The following ADGRB3 variants were observed in gnomAD, a reference collection of about 807,000 sequenced individuals.
ADGRB3 encodes the protein brain-specific angiogenesis inhibitor 3.
ADGRB3 carries 37 observed loss-of-function variants against 193.4 expected under a neutral mutation model. The ratio of observed to expected loss-of-function variants is 0.19; its 90% confidence interval spans 0.15 to 0.25. The LOEUF (loss-of-function observed/expected upper bound fraction) is 0.25. ADGRB3 is among the 10% of genes least tolerant of loss of function. The pLI, the probability that ADGRB3 is intolerant of heterozygous loss-of-function variation, is 1.00. For missense variants in ADGRB3, 1,637 were observed against 1,852.9 expected, an observed-to-expected ratio of 0.88 and a Z score of 2.14; for synonymous variants, 690 against 644.2, an observed-to-expected ratio of 1.07 and a Z score of -1.08.
intron 3 of ADGRB3, among the ~76,000 whole-genome samples, chr6:68,642,818 C>T (rs1407935804): frequency 2.7e-5 from 4 of 146,088 alleles, no homozygotes; most frequent in Admixed American, 1.4e-4. Context: ...AAAAAAAAAA[C>T]TCAAATAACA....
chr6:69,149,373 A>T (rs533077189), intron 17 of ADGRB3, among the ~76,000 whole-genome samples: 30 of 151,874 alleles, frequency 2.0e-4, no homozygotes, highest in African/African-American at 7.0e-4. Flanking sequence ...TCAGCTCGGA[A>T]TTTCTGCTTG....
intron 3 of ADGRB3, among the ~76,000 whole-genome samples, chr6:68,908,798 C>T (rs1582305367): frequency 6.6e-6 from 1 of 152,100 alleles, no homozygotes; most frequent in Non-Finnish European, 1.5e-5. Flanking sequence ...CTTCCCTGAG[C>T]TTCAGAAACT....
intron 3 of ADGRB3, among the ~76,000 whole-genome samples, chr6:68,801,743 T>C (rs192900391): frequency 1.4e-4 from 22 of 152,210 alleles, no homozygotes; most frequent in Non-Finnish European, 2.8e-4. Context: ...TATATCCAGA[T>C]ACCAAGAGCT....
At chr6:69,091,494 A>T (rs192608878) in intron 17 of ADGRB3, among the ~76,000 whole-genome samples, 3 of 152,208 alleles carry the variant, frequency 2.0e-5, no homozygotes, top group Non-Finnish European at 4.4e-5. Context: ...TTGCAGGGAC[A>T]TGGATGGAGC....
chr6:69,266,963 T>A (rs1379916049), intron 20 of ADGRB3, among the ~76,000 whole-genome samples: 4 of 152,092 alleles, frequency 2.6e-5, no homozygotes, highest in Non-Finnish European at 5.9e-5. Flanking sequence ...CGCAGTGTCC[T>A]TGCAGAAGTA....
intron 24 of ADGRB3, 126 bp from the exon 25 acceptor site, chr6:69,338,790 C>T (rs1768907578): frequency 2.6e-6 from 2 of 762,644 alleles, no homozygotes; most frequent in South Asian, 1.7e-5. Flanking sequence ...CAACCTAGAG[C>T]ATACATTTTT....
chr6:68,988,232 A>G (rs1769134849), intron 10 of ADGRB3, among the ~76,000 whole-genome samples: 1 of 152,186 alleles, frequency 6.6e-6, no homozygotes, highest in African/African-American at 2.4e-5. Flanking sequence ...CACAAACACT[A>G]TAGTAATATA....
At chr6:68,694,618 G>T (rs112684956) in intron 3 of ADGRB3, among the ~76,000 whole-genome samples, 6 of 152,076 alleles carry the variant, frequency 3.9e-5, no homozygotes, top group Non-Finnish European at 7.4e-5. Context: ...TCAGAGGCAT[G>T]CTGTGTTCCT....
chr6:69,004,520 A>G (rs1187345762), intron 11 of ADGRB3, among the ~76,000 whole-genome samples: 2 of 150,410 alleles, frequency 1.3e-5, no homozygotes, highest in Non-Finnish European at 3.0e-5. Flanking sequence ...CCCATTAACT[A>G]GTCATTTACA....
At chr6:68,765,735 T>G (rs1582182607) in intron 3 of ADGRB3, among the ~76,000 whole-genome samples, 1 of 152,202 alleles carries the variant, frequency 6.6e-6, no homozygotes, top group African/African-American at 2.4e-5. Context: ...AAGATCAAAG[T>G]TATACTAATA....
At position 68,912,637 on chromosome 6, in the gene ADGRB3, C is replaced by T. The variant is rs543121865; in HGVS notation, c.758-17922C>T. On this transcript the variant is annotated intron_variant, in intron 3 of 31. Transcript: ENST00000370598. ...TGTGGTGTTTGGTGTTTTGTCCTTG[C>T]GATAGTTTACTGAGAATGATGATTT... Among the ~76,000 whole-genome samples, 188 of 152,098 alleles carry T rather than the reference C, an allele frequency of 1.2e-3. 7 individuals are homozygous for T. The South Asian group carries it at 0.033, about 27-fold the overall frequency.
intron 3 of ADGRB3, among the ~76,000 whole-genome samples, chr6:68,688,873 C>A (rs1352078276): frequency 6.6e-6 from 1 of 152,166 alleles, no homozygotes; most frequent in African/African-American, 2.4e-5. Flanking sequence ...CTAACATTTT[C>A]TCTGGCATTA....
In ADGRB3 at chr6:68,784,906, G is replaced by T. The variant is rs570481226; in HGVS notation, c.757+145474G>T. Among the ~76,000 whole-genome samples, 4 of 152,120 alleles carry T rather than the reference G, an allele frequency of 2.6e-5. No individual in the cohort carries two copies. The South Asian group carries it at 8.3e-4, about 32-fold the overall frequency. ...TTCTTTTCCTTCATAGAGTTTAGTAGTGTTCATTTTATTTATTTGAATGTC... is the reference window on the plus strand; with the variant it reads ...TTCTTTTCCTTCATAGAGTTTAGTATTGTTCATTTTATTTATTTGAATGTC... On this transcript the variant is annotated intron_variant, in intron 3 of 31. Coordinates refer to ENST00000370598, the MANE Select transcript of ADGRB3 (RefSeq NM_001704.3).
chr6:69,034,323 A>G (rs1041473535), intron 13 of ADGRB3, among the ~76,000 whole-genome samples: 4 of 151,808 alleles, frequency 2.6e-5, no homozygotes, highest in African/African-American at 9.7e-5. Context: ...CCCCCAAATA[A>G]CATCTATAGT....
chr6:68,908,105 C>G (rs1766598533), intron 3 of ADGRB3, among the ~76,000 whole-genome samples: 1 of 151,778 alleles, frequency 6.6e-6, no homozygotes, highest in Non-Finnish European at 1.5e-5. Context: ...ATATTAAAGA[C>G]AATAAATTAT....
chr6:69,051,627 A>G (rs1771395425), intron 15 of ADGRB3, among the ~76,000 whole-genome samples: 1 of 152,214 alleles, frequency 6.6e-6, no homozygotes. Flanking sequence ...ACATAATGTG[A>G]CCACTAAGTA....
chr6:69,305,613 G>GA (rs139098073), intron 20 of ADGRB3, among the ~76,000 whole-genome samples: 1,587 of 150,928 alleles, frequency 0.011, 40 homozygotes, highest in South Asian at 0.038. Flanking sequence ...GAGTGGGGGA[G>GA]AAAAAACACA....
chr6:69,333,004 G>T lies in ADGRB3; in HGVS notation c.3184G>T (p.Ala1062Ser). Residue 1062 changes from alanine to serine, a missense_variant, in exon 24 of 32, where the codon GCC becomes TCC. This residue lies in a region of ADGRB3 where 56 missense variants were observed against 53.3 expected (regional missense o/e 1.05). Transcript: ENST00000370598. ...GILDKKLKHR[A>S]GQMSEPHSGL... The stretch of plus-strand genomic sequence containing the variant: ...CCTAGATAAAAAGCTCAAACACAGA[G>T]CCGGGTAAGCTGCAATTGGTGGATT... 3.1e-6 allele frequency: 5 copies of T among 1,613,424 alleles called. No homozygotes were observed. Among genetic ancestry groups the T allele is most frequent in the Non-Finnish European group, 4.2e-6 (5 of 1,179,694 alleles).
At chr6:68,776,875 T>C (rs1253501092) in intron 3 of ADGRB3, among the ~76,000 whole-genome samples, 1 of 152,104 alleles carries the variant, frequency 6.6e-6, no homozygotes, top group East Asian at 1.9e-4. Flanking sequence ...TAAACCTCAT[T>C]TCATAACTAA....
Sources: gnomAD v4.1 joint callset for allele counts (sites outside exome capture counted in the v4.1 genomes callset) on GRCh38, gnomAD v4.1.1 for gene constraint, gnomAD v4.1.1 regional missense constraint, MANE v1.5 for transcripts, NCBI Gene and HGNC (gene_info 2026-07-23, HGNC 2026-07-21) for gene names.